N4BP1: variants seen among roughly 807,000 people sequenced by gnomAD.
N4BP1 encodes NEDD4 binding protein 1, also known as NEDD4-binding protein 1.
A neutral mutation model predicts 70.9 loss-of-function variants in N4BP1; 21 were observed. The observed-to-expected ratio is 0.30, with a 90% CI of 0.21 to 0.43. The LOEUF (loss-of-function observed/expected upper bound fraction) is 0.43. Among genes scored for constraint, N4BP1 ranks in the 20% least tolerant of loss-of-function variants. The probability of loss-of-function intolerance (pLI) is 1.00; values close to 1 mark genes in which losing one functional copy is unlikely to be tolerated. For synonymous variants in N4BP1, 387 were observed against 394.6 expected (o/e 0.98, Z 0.23); for missense variants, 936 against 1,069.4 (o/e 0.88, Z 1.74).
chr16:48,585,778 C>T (rs1964237831), intron 1 of N4BP1, among the ~76,000 whole-genome samples: 1 of 152,102 alleles, frequency 6.6e-6, no homozygotes, highest in South Asian at 2.1e-4. Context: ...TCACTGCAAC[C>T]TCCAACTCCT....
At chr16:48,609,048 CAAA>C (rs746386089) in intron 1 of N4BP1, among the ~76,000 whole-genome samples, 93 of 121,770 alleles carry the variant, frequency 7.6e-4, no homozygotes, top group Admixed American at 9.9e-4. Context: ...AATCCCCTAC[CAAA>C]AAAAAAAAAA....
rs1247192852 is a variant in N4BP1, at chr16:48,562,200, G to C, written c.443C>G (p.Pro148Arg). 1.9e-6 allele frequency: 3 copies of C among 1,613,844 alleles called. No homozygotes were observed. The South Asian group carries it at 3.3e-5, about 18-fold the overall frequency. Residue 148 changes from proline to arginine, a missense_variant, in exon 2 of 7, where the codon CCC (proline) becomes CGC (arginine). Physicochemically the swap from Pro to Arg is moderately radical, Grantham distance 103 (BLOSUM62 -2). Coordinates refer to ENST00000262384, the MANE Select transcript of N4BP1 (RefSeq NM_153029.4). ...VKLFENKENL[P>R]SSQKESEVKR... is the part of the protein sequence containing the mutation. ...CACCTCTGATTCTTTCTGACTACTG[G>C]GTAGGTTCTCTTTATTTTCAAAGAG... is the stretch of plus-strand genomic sequence containing the variant.
intron 1 of N4BP1, among the ~76,000 whole-genome samples, chr16:48,585,237 C>A (rs959923036): frequency 6.6e-6 from 1 of 152,016 alleles, no homozygotes; most frequent in African/African-American, 2.4e-5. Context: ...TCGGCCTACA[C>A]ATTTTTTTTT....
chr16:48,543,748 G>A (rs931693497), intron 6 of N4BP1, among the ~76,000 whole-genome samples: 11 of 152,132 alleles, frequency 7.2e-5, no homozygotes, highest in African/African-American at 2.2e-4. Context: ...GGGTATGTGC[G>A]AGTATGTGTG....
At chr16:48,594,342 C>T (rs1028894894) in intron 1 of N4BP1, among the ~76,000 whole-genome samples, 1 of 152,110 alleles carries the variant, frequency 6.6e-6, no homozygotes, top group Admixed American at 6.5e-5. Flanking sequence ...ACCTGGGATT[C>T]TACTTTGTGA....
chr16:48,548,181 A>G, intron 4 of N4BP1, 67 bp from the exon 5 acceptor site: 1 of 899,904 alleles, frequency 1.1e-6, no homozygotes, highest in Non-Finnish European at 1.8e-6. Flanking sequence ...CCATGTTATA[A>G]GAAGAGAATA....
chr16:48,608,193 A>T (rs1272149087), intron 1 of N4BP1, among the ~76,000 whole-genome samples: 1 of 152,172 alleles, frequency 6.6e-6, no homozygotes, highest in Non-Finnish European at 1.5e-5. Context: ...TCTCAAGAAC[A>T]CGGTTTTCAC....
chr16:48,598,567 C>T (rs11649236), intron 1 of N4BP1, among the ~76,000 whole-genome samples: 61,836 of 151,888 alleles, frequency 0.41, 13,600 homozygotes, highest in African/African-American at 0.58. Context: ...AATACAACAC[C>T]ACTGAAAAAT....
At chr16:48,575,524 C>T (rs576113202) in intron 1 of N4BP1, among the ~76,000 whole-genome samples, 1 of 152,296 alleles carries the variant, frequency 6.6e-6, no homozygotes, top group African/African-American at 2.4e-5. Context: ...CAACTTCTAC[C>T]ATTCAAAACA....
chr16:48,549,972 G>A (rs948006964), intron 4 of N4BP1, among the ~76,000 whole-genome samples: 1 of 152,154 alleles, frequency 6.6e-6, no homozygotes, highest in Non-Finnish European at 1.5e-5. Context: ...GCTACCACTA[G>A]GCTACCAAAT....
intron 1 of N4BP1, among the ~76,000 whole-genome samples, chr16:48,609,000 A>G (rs905566516): frequency 6.6e-6 from 1 of 150,376 alleles, no homozygotes; most frequent in African/African-American, 2.5e-5. Context: ...GGATGACTTG[A>G]GTCCAAGAGT....
chr16:48,546,074 G>A, intron 6 of N4BP1, 73 bp downstream of exon 6: 3 of 900,432 alleles, frequency 3.3e-6, no homozygotes, highest in Non-Finnish European at 5.1e-6. Flanking sequence ...AGTCTATAAA[G>A]ACAGCACTTG....
Position 48,561,049 on chromosome 16 carries a change from G to C in N4BP1, c.1594C>G (p.Pro532Ala), listed in dbSNP as rs768074629. Residue 532 changes from proline (P) to alanine (A), a missense_variant, in exon 2 of 7, where the codon CCC becomes GCC. By Grantham distance (27) the Pro-to-Ala change is conservative. Around this residue, in one of 4 missense-constraint regions of N4BP1, gnomAD observed 515 missense variants for 491.7 expected, o/e 1.05. Coordinates refer to ENST00000262384, the MANE Select transcript of N4BP1 (RefSeq NM_153029.4). ...PENGLHQQPE[P>A]LLPNNMKSAC... ...GATTTCATATTATTTGGAAGCAAGG[G>C]TTCTGGCTGCTGGTGTAAACCATTT... 1.2e-6 allele frequency: 2 copies of C among 1,613,996 alleles called. No homozygotes were observed. The highest frequency in any genetic ancestry group is 1.7e-6 in the Non-Finnish European group (2 of 1,179,878).
chr16:48,560,269 A>T (rs1256773304), intron 2 of N4BP1, among the ~76,000 whole-genome samples: 1 of 152,188 alleles, frequency 6.6e-6, no homozygotes, highest in Non-Finnish European at 1.5e-5. Context: ...GCTCAAAGTG[A>T]CTACTTTTGA....
At chr16:48,596,213 C>G (rs543761294) in intron 1 of N4BP1, among the ~76,000 whole-genome samples, 1 of 151,740 alleles carries the variant, frequency 6.6e-6, no homozygotes, top group Non-Finnish European at 1.5e-5. Flanking sequence ...TATTTTTTTT[C>G]CTCTGCAATT....
intron 4 of N4BP1, among the ~76,000 whole-genome samples, chr16:48,550,556 G>A (rs1308660372): frequency 1.3e-5 from 2 of 151,996 alleles, no homozygotes; most frequent in African/African-American, 4.8e-5. Context: ...ACTAAATCTT[G>A]GTGACTCAGA....
chr16:48,563,355 TAAA>T (rs1162358488), intron 1 of N4BP1, among the ~76,000 whole-genome samples: 3 of 150,834 alleles, frequency 2.0e-5, no homozygotes, highest in Non-Finnish European at 4.4e-5. Context: ...ACCCTATCTC[TAAA>T]AAAAAATTTT....
At chr16:48,607,032 C>A (rs1339302968) in intron 1 of N4BP1, among the ~76,000 whole-genome samples, 1 of 152,022 alleles carries the variant, frequency 6.6e-6, no homozygotes, top group Non-Finnish European at 1.5e-5. Context: ...CAAAAAAGCC[C>A]TGATTGTGGC....
At position 48,610,060 on chromosome 16, in the gene N4BP1, C is replaced by G; in HGVS notation, c.-88G>C. 1 of 805,176 alleles carries G rather than the reference C, an allele frequency of 1.2e-6. No individual in the cohort carries two copies. The highest frequency in any genetic ancestry group is 5.5e-5 in the South Asian group (1 of 18,304). 49.9% of individuals were successfully genotyped at this position (805,176 alleles called of 1,614,324 possible). The stretch of plus-strand genomic sequence containing the variant: ...TGCCGCTGCTCCCAAGCCAGTCAGG[C>G]GGCGTCGGCCCTTCCCGGCCGCCTC... On this transcript the variant is annotated 5_prime_UTR_variant, in exon 1 of 7. Coordinates refer to ENST00000262384, the MANE Select transcript of N4BP1 (RefSeq NM_153029.4).
Sources: gnomAD v4.1 joint callset for allele counts (sites outside exome capture counted in the v4.1 genomes callset) on GRCh38, gnomAD v4.1.1 for gene constraint, gnomAD v4.1.1 regional missense constraint, MANE v1.5 for transcripts, NCBI Gene and HGNC (gene_info 2026-07-23, HGNC 2026-07-21) for gene names.